The following SCFD2 variants were observed in gnomAD, a reference collection of about 807,000 sequenced individuals.
The protein encoded by SCFD2 is sec1 family domain-containing protein 2.
SCFD2 carries 54 observed loss-of-function variants against 58.9 expected under a neutral mutation model. The observed-to-expected ratio is 0.92, with a 90% CI of 0.74 to 1.15. The LOEUF (loss-of-function observed/expected upper bound fraction) is 1.15, where lower values mean the gene tolerates loss of function less well. Ranked by LOEUF, SCFD2 falls within the 50% of genes most tolerant of loss-of-function variation. The pLI is 0.00. For missense variants in SCFD2, 805 were observed against 836.6 expected (o/e 0.96, Z 0.47); for synonymous variants, 321 against 335.9 (o/e 0.96, Z 0.49).
chr4:53,340,594 A>C (rs907162506), intron 2 of SCFD2, among the ~76,000 whole-genome samples: 2 of 152,228 alleles, frequency 1.3e-5, no homozygotes, highest in African/African-American at 4.8e-5. Context: ...TCACTGTCTG[A>C]CAGCTTTGAA....
intron 2 of SCFD2, among the ~76,000 whole-genome samples, chr4:53,347,009 C>T (rs1017091634): frequency 2.6e-5 from 4 of 152,224 alleles, no homozygotes; most frequent in African/African-American, 9.6e-5. Flanking sequence ...TGCCTCCATC[C>T]TCATTCATTT....
At chr4:53,342,901 T>C (rs1277433499) in intron 2 of SCFD2, among the ~76,000 whole-genome samples, 3 of 152,198 alleles carry the variant, frequency 2.0e-5, no homozygotes, top group Admixed American at 2.0e-4. Context: ...AGATGTTCTT[T>C]GAAACCAATG....
intron 3 of SCFD2, among the ~76,000 whole-genome samples, chr4:53,276,857 T>C (rs915638993): frequency 6.6e-6 from 1 of 152,268 alleles, no homozygotes; most frequent in African/African-American, 2.4e-5. Flanking sequence ...TTTATTTTAA[T>C]GATTCTAACA....
intron 5 of SCFD2, among the ~76,000 whole-genome samples, chr4:53,009,704 C>G (rs927499132): frequency 2.0e-5 from 3 of 152,116 alleles, no homozygotes; most frequent in African/African-American, 7.2e-5. Flanking sequence ...CTGAAGGATC[C>G]TAACCTTCTT....
intron 7 of SCFD2, among the ~76,000 whole-genome samples, chr4:52,886,682 T>A (rs1409035549): frequency 6.6e-6 from 1 of 152,194 alleles, no homozygotes; most frequent in Admixed American, 6.5e-5. Context: ...ACTACCTCCA[T>A]TATGCAGGTG....
intron 4 of SCFD2, among the ~76,000 whole-genome samples, chr4:53,255,196 T>TA (rs1399074618): frequency 1.4e-4 from 19 of 139,050 alleles, no homozygotes; most frequent in Middle Eastern, 3.6e-3. Context: ...TTTTTTTTCT[T>TA]TTTTATTTAT....
chr4:53,320,721 T>C (rs915519992), intron 2 of SCFD2, among the ~76,000 whole-genome samples: 15 of 152,340 alleles, frequency 9.8e-5, no homozygotes, highest in Admixed American at 7.2e-4. Flanking sequence ...AAAAGATAAG[T>C]GAATATCCCA....
At chr4:53,034,409 A>T (rs1722704258) in intron 5 of SCFD2, among the ~76,000 whole-genome samples, 1 of 152,148 alleles carries the variant, frequency 6.6e-6, no homozygotes, top group South Asian at 2.1e-4. Context: ...TTTGAAAACC[A>T]GCACAAAACA....
At chr4:52,970,029 T>C (rs993270067) in intron 5 of SCFD2, among the ~76,000 whole-genome samples, 4 of 152,050 alleles carry the variant, frequency 2.6e-5, no homozygotes, top group Admixed American at 2.0e-4. Context: ...AAGAAAACAA[T>C]TGGGGCGTGG....
chr4:53,078,851 C>T (rs1347875224), intron 5 of SCFD2, among the ~76,000 whole-genome samples: 1 of 152,182 alleles, frequency 6.6e-6, no homozygotes, highest in East Asian at 1.9e-4. Flanking sequence ...TGCACTTACT[C>T]AGCATTTTAG....
At chr4:52,913,090 C>A (rs953479189) in intron 6 of SCFD2, among the ~76,000 whole-genome samples, 1 of 152,122 alleles carries the variant, frequency 6.6e-6, no homozygotes, top group African/African-American at 2.4e-5. Flanking sequence ...CCTTTTCTTG[C>A]TGGTCATTTA....
At chr4:53,236,239 A>G (rs1207680917) in intron 4 of SCFD2, among the ~76,000 whole-genome samples, 3 of 152,094 alleles carry the variant, frequency 2.0e-5, no homozygotes, top group Non-Finnish European at 1.5e-5. Context: ...CCATGCTGGA[A>G]GCTTCTTGCC....
At chr4:53,284,779 G>C (rs1323374502) in intron 3 of SCFD2, among the ~76,000 whole-genome samples, 1 of 152,170 alleles carries the variant, frequency 6.6e-6, no homozygotes, top group African/African-American at 2.4e-5. Flanking sequence ...ATTAAAGGGG[G>C]AAGTGGGATG....
At chr4:53,361,682 G>T (rs183265798) in intron 1 of SCFD2, among the ~76,000 whole-genome samples, 1 of 152,082 alleles carries the variant, frequency 6.6e-6, no homozygotes, top group Non-Finnish European at 1.5e-5. Flanking sequence ...CACCACACCC[G>T]GTAAGAAGTG....
In SCFD2 at chr4:53,034,813, C is replaced by G. The variant is rs189614398; in HGVS notation, c.1561+110520G>C. Among the ~76,000 whole-genome samples, 69 of 152,052 alleles carry G rather than the reference C, an allele frequency of 4.5e-4. 1 individual carries two copies. The East Asian group carries it at 0.013, about 29-fold the overall frequency. On this transcript the variant is annotated intron_variant, in intron 5 of 8. Transcript: ENST00000401642. Reference sequence around the variant, plus strand: ...AGGAGAACTACAAACCACTGCTCAACGAAATAAAAGAGGACACAAACAAAT... The same window carrying G: ...AGGAGAACTACAAACCACTGCTCAAGGAAATAAAAGAGGACACAAACAAAT...
chr4:53,246,996 C>CAA lies in SCFD2; in HGVS notation c.1311+26828_1311+26829dup, dbSNP rs55821656. 9.0e-4 allele frequency among the ~76,000 whole-genome samples: 85 copies of CAA among 94,898 alleles called. 1 individual carries two copies. Among genetic ancestry groups the CAA allele is most frequent in the Non-Finnish European group, 1.1e-3 (52 of 47,964 alleles). The allele number at this position is 94,898 out of a possible 152,430, so 62.3% of individuals were successfully genotyped here. ...ATCTGTAAGGAACTTAAAAAATTTA[C>CAA]AAAAAAAAAAAAAAAACTCCAAACA... On this transcript the variant is annotated intron_variant, in intron 4 of 8. Coordinates refer to ENST00000401642, the MANE Select transcript of SCFD2 (RefSeq NM_152540.4).
At chr4:52,923,183 GA>G (rs899918952) in intron 5 of SCFD2, among the ~76,000 whole-genome samples, 6 of 151,848 alleles carry the variant, frequency 4.0e-5, no homozygotes, top group African/African-American at 1.2e-4. Context: ...CCATTGCCAT[GA>G]AAAAAAATCA....
intron 5 of SCFD2, among the ~76,000 whole-genome samples, chr4:52,979,262 T>C (rs1721323817): frequency 6.6e-6 from 1 of 152,078 alleles, no homozygotes; most frequent in Non-Finnish European, 1.5e-5. Context: ...TAGGGGCTGA[T>C]GCAATGACAC....
intron 5 of SCFD2, among the ~76,000 whole-genome samples, chr4:53,094,275 C>G (rs1025962516): frequency 1.3e-5 from 2 of 152,116 alleles, no homozygotes; most frequent in African/African-American, 4.8e-5. Context: ...ATATCACAGA[C>G]AGGTGCCCTA....
Sources: allele counts gnomAD v4.1 joint callset (sites outside exome capture counted in the v4.1 genomes callset), GRCh38; gene constraint gnomAD v4.1.1; transcripts MANE v1.5; gene names NCBI Gene and HGNC (gene_info 2026-07-23, HGNC 2026-07-21).